IL3RA: variants seen among roughly 807,000 people sequenced by gnomAD.
IL3RA encodes interleukin-3 receptor subunit alpha.
In IL3RA, 73 loss-of-function variants were observed where a neutral mutation model predicts 52.3. The observed-to-expected ratio is 1.40, with a 90% CI of 1.16 to 1.70. The LOEUF (loss-of-function observed/expected upper bound fraction) is 1.70, where lower values mean the gene tolerates loss of function less well. Ranked by LOEUF, IL3RA falls within the 40% of genes most tolerant of loss-of-function variation. The pLI is 0.00. For missense variants in IL3RA, 664 were observed against 504.4 expected, an observed-to-expected ratio of 1.32 and a Z score of -3.03; for synonymous variants, 260 against 194.0, an observed-to-expected ratio of 1.34 and a Z score of -2.83.
intron 6 of IL3RA, among the ~76,000 whole-genome samples, chrX:1,353,931 ATGGG>A: frequency 8.9e-6 from 1 of 112,652 alleles, no homozygotes; most frequent in African/African-American, 3.6e-5. Context: ...GGGTTCCATC[ATGGG>A]TCATGGGACC....
chrX:1,346,478 A>G (rs1272649008), intron 3 of IL3RA, among the ~76,000 whole-genome samples: 3 of 150,142 alleles, frequency 2.0e-5, no homozygotes, highest in African/African-American at 5.0e-5. Context: ...GTGGTGGCAC[A>G]TGCCTGTAAT....
intron 3 of IL3RA, among the ~76,000 whole-genome samples, chrX:1,347,748 A>C (rs1279043532): frequency 6.6e-6 from 1 of 151,964 alleles, no homozygotes; most frequent in Non-Finnish European, 1.5e-5. Flanking sequence ...ATCTTTAGAA[A>C]AAAATTGTGG....
intron 9 of IL3RA, among the ~76,000 whole-genome samples, chrX:1,367,242 GGGGTGCGCC>G (rs1407985558): frequency 2.5e-5 from 1 of 39,248 alleles, no homozygotes; most frequent in Non-Finnish European, 4.1e-5. Flanking sequence ...CGGGGTGCGC[GGGGTGCGCC>G]GGGTGCGCGG....
intron 3 of IL3RA, among the ~76,000 whole-genome samples, chrX:1,346,945 T>TTAGGGCTTCGATA (rs1286227220): frequency 1.3e-5 from 2 of 151,318 alleles, no homozygotes; most frequent in African/African-American, 4.9e-5. Flanking sequence ...CCATTGAACT[T>TTAGGGCTTCGATA]TGTGATTTTG....
In IL3RA at chrX:1,382,377, T is replaced by C; in HGVS notation, c.1063-14T>C. ...GGGGTGGCCGACTCACCCTGCCTCC[T>C]CTCGTCTCTGCAGGTGGTCTGGGAG... On this transcript the variant is annotated splice_polypyrimidine_tract_variant and intron_variant, in intron 11 of 11. Transcript: ENST00000331035. 6.2e-7 allele frequency: 1 copy of C among 1,612,370 alleles called. No homozygotes were observed. Among genetic ancestry groups the C allele is most frequent in the Non-Finnish European group, 8.5e-7 (1 of 1,178,664 alleles).
intron 7 of IL3RA, among the ~76,000 whole-genome samples, chrX:1,357,688 C>A (rs2086842029): frequency 1.3e-5 from 2 of 151,770 alleles, no homozygotes; most frequent in South Asian, 4.1e-4. Context: ...TGCTCAAATA[C>A]TAATTATTTC....
chrX:1,353,032 T>C (rs1237678026), intron 6 of IL3RA, among the ~76,000 whole-genome samples: 3 of 145,982 alleles, frequency 2.1e-5, no homozygotes, highest in Admixed American at 2.0e-4. Context: ...CTATCATGGA[T>C]TCCATCATGG....
At chrX:1,343,619 A>G (rs2085581158) in intron 2 of IL3RA, among the ~76,000 whole-genome samples, 1 of 143,950 alleles carries the variant, frequency 6.9e-6, no homozygotes, top group Non-Finnish European at 1.5e-5. Flanking sequence ...GTGAGCCAAG[A>G]TCACGCCATT....
chrX:1,352,637 G>T, intron 6 of IL3RA, 131 bp downstream of exon 6: 1 of 1,002,636 alleles, frequency 1.0e-6, no homozygotes. Context: ...GAGGCTGGAC[G>T]TTGGAGGTCA....
chrX:1,345,263 C>A, intron 2 of IL3RA, 53 bp from the exon 3 acceptor site: 1 of 1,222,558 alleles, frequency 8.2e-7, no homozygotes, highest in Non-Finnish European at 1.2e-6. Flanking sequence ...CCTTACAATG[C>A]CGTTTTAAGA....
At chrX:1,344,511 AT>A (rs1266760612) in intron 2 of IL3RA, among the ~76,000 whole-genome samples, 1 of 151,860 alleles carries the variant, frequency 6.6e-6, no homozygotes, top group Non-Finnish European at 1.5e-5. Flanking sequence ...ATGGTGGCTC[AT>A]GCTTGTAATC....
At chrX:1,339,735 T>C (rs2085417180) in intron 1 of IL3RA, among the ~76,000 whole-genome samples, 1 of 151,940 alleles carries the variant, frequency 6.6e-6, no homozygotes, top group African/African-American at 2.4e-5. Flanking sequence ...GAGGTTGCAG[T>C]GAACCAAGAT....
chrX:1,356,240 C>T lies in IL3RA; in HGVS notation c.636C>T (p.Asn212=). The T allele has an allele frequency of 6.2e-7, 1 of 1,611,576 alleles. No homozygotes were observed. The part of the protein sequence containing the change: ...FSQIEILTPP[N]MTAKCNKTHS... The stretch of plus-strand genomic sequence containing the variant: ...TGCTAGAGATATTAACTCCACCCAA[C>T]ATGACTGCAAAGTGTAATAAGACAC... Residue 212 remains asparagine (N), a synonymous_variant, in exon 7 of 12, where the codon AAC becomes AAT. Coordinates refer to ENST00000331035, the MANE Select transcript of IL3RA (RefSeq NM_002183.4).
intron 11 of IL3RA, among the ~76,000 whole-genome samples, 172 bp from the exon 12 acceptor site, chrX:1,382,219 G>T (rs1358972080): frequency 6.6e-6 from 1 of 152,208 alleles, no homozygotes; most frequent in Non-Finnish European, 1.5e-5. Flanking sequence ...AAAGTGCTGG[G>T]ATTACAGGTG....
intron 1 of IL3RA, among the ~76,000 whole-genome samples, chrX:1,341,269 C>T (rs62605663): frequency 0.89 from 134,027 of 151,390 alleles, 59,958 homozygotes; most frequent in Non-Finnish European, 0.96. Flanking sequence ...CACTGCACTC[C>T]AGCCTGGACG....
At chrX:1,344,939 A>G (rs1471374953) in intron 2 of IL3RA, among the ~76,000 whole-genome samples, 46 of 148,334 alleles carry the variant, frequency 3.1e-4, no homozygotes, top group African/African-American at 9.7e-4. Flanking sequence ...GAGGCGGACG[A>G]ATCATGAGGT....
At chrX:1,341,868 G>T in intron 2 of IL3RA, 39 bp downstream of exon 2, 1 of 1,600,250 alleles carries the variant, frequency 6.2e-7, no homozygotes, top group South Asian at 1.1e-5. Context: ...CACCTGGGGA[G>T]CGGTGGGGGT....
At chrX:1,360,751 C>A (rs1468078619) in intron 8 of IL3RA, among the ~76,000 whole-genome samples, 1 of 151,716 alleles carries the variant, frequency 6.6e-6, no homozygotes, top group African/African-American at 2.4e-5. Context: ...TGGTCTCGAA[C>A]TCCTGACCTC....
intron 11 of IL3RA, 124 bp downstream of exon 11, chrX:1,381,228 G>A (rs1474193756): frequency 6.7e-5 from 55 of 822,462 alleles, no homozygotes; most frequent in Middle Eastern, 2.4e-4. Context: ...GAGAAACTCC[G>A]TGTCTACTAA....
Sources: gnomAD v4.1 joint callset for allele counts (sites outside exome capture counted in the v4.1 genomes callset) on GRCh38, gnomAD v4.1.1 for gene constraint, MANE v1.5 for transcripts, NCBI Gene and HGNC (gene_info 2026-07-23, HGNC 2026-07-21) for gene names.